PLCB1: variants seen among roughly 807,000 people sequenced by gnomAD.
PLCB1 encodes phospholipase C beta 1.
Under a neutral mutation model 161.8 loss-of-function variants are expected in PLCB1, and 46 were observed. The observed-to-expected ratio is 0.28, with a 90% CI of 0.22 to 0.36. The LOEUF (loss-of-function observed/expected upper bound fraction) is 0.36. Ranked by LOEUF, PLCB1 falls within the 10% of genes least tolerant of loss-of-function variation. PLCB1 has a pLI of 1.00. For missense variants in PLCB1, 1,016 were observed against 1,472.5 expected, an observed-to-expected ratio of 0.69 and a Z score of 5.07; for synonymous variants, 517 against 503.7, an observed-to-expected ratio of 1.03 and a Z score of -0.35.
chr20:8,566,435 G>T (rs1488684913), intron 3 of PLCB1, among the ~76,000 whole-genome samples: 1 of 152,120 alleles, frequency 6.6e-6, no homozygotes, highest in Non-Finnish European at 1.5e-5. Context: ...GAGAAATGAA[G>T]TGTGACTTAT....
intron 2 of PLCB1, among the ~76,000 whole-genome samples, chr20:8,294,022 A>T (rs1192661634): frequency 3.3e-5 from 5 of 152,168 alleles, no homozygotes; most frequent in African/African-American, 1.2e-4. Context: ...AGATTAATAG[A>T]ACATCCACTG....
chr20:8,280,106 C>T (rs938553440), intron 2 of PLCB1, among the ~76,000 whole-genome samples: 14 of 152,092 alleles, frequency 9.2e-5, no homozygotes, highest in African/African-American at 1.9e-4. Context: ...GAGGCTGAGG[C>T]GGGCGGATCA....
chr20:8,173,020 T>C (rs538168563), intron 2 of PLCB1, among the ~76,000 whole-genome samples: 17 of 152,240 alleles, frequency 1.1e-4, no homozygotes, highest in African/African-American at 3.9e-4. Context: ...CAGTCGGGAA[T>C]TCAGTTATGG....
chr20:8,824,948 C>T (rs2041866626), intron 31 of PLCB1, among the ~76,000 whole-genome samples: 1 of 152,190 alleles, frequency 6.6e-6, no homozygotes, highest in Admixed American at 6.5e-5. Flanking sequence ...CATGGGTCAA[C>T]ACTGGCCACA....
rs534039211 is a variant in PLCB1, at chr20:8,471,089, G to T, written c.246+99639G>T. On this transcript the variant is annotated intron_variant, in intron 3 of 31. Transcript: ENST00000338037. ...AATAATAATGTACAATTTACACATT[G>T]GTTCTAATACAGTATTTAATCTGTA... Among the ~76,000 whole-genome samples, 45 of 152,234 alleles carry T rather than the reference G, an allele frequency of 3.0e-4. 1 individual carries two copies. The South Asian group carries it at 8.7e-3, about 30-fold the overall frequency.
chr20:8,578,567 G>T (rs1986745808), intron 3 of PLCB1, among the ~76,000 whole-genome samples: 1 of 152,206 alleles, frequency 6.6e-6, no homozygotes. Flanking sequence ...TCTGTGCAAA[G>T]AATAGTCCTA....
At chr20:8,744,551 T>A (rs1261680635) in intron 23 of PLCB1, among the ~76,000 whole-genome samples, 4 of 150,864 alleles carry the variant, frequency 2.7e-5, no homozygotes, top group African/African-American at 9.8e-5. Context: ...GAGGCTGCAA[T>A]TAACTATGAA....
chr20:8,489,415 CTAGT>C (rs1307985913), intron 3 of PLCB1, among the ~76,000 whole-genome samples: 4 of 152,146 alleles, frequency 2.6e-5, no homozygotes, highest in Non-Finnish European at 5.9e-5. Context: ...GCTCAATGAC[CTAGT>C]TAAATAAATC....
intron 3 of PLCB1, among the ~76,000 whole-genome samples, chr20:8,434,699 T>C (rs1162140300): frequency 1.3e-5 from 2 of 152,212 alleles, no homozygotes; most frequent in Non-Finnish European, 2.9e-5. Flanking sequence ...TGCAATTTGC[T>C]TATGGTCACA....
chr20:8,659,773 CTT>C (rs1292662737), intron 9 of PLCB1, among the ~76,000 whole-genome samples: 4 of 152,144 alleles, frequency 2.6e-5, no homozygotes, highest in Admixed American at 2.6e-4. Context: ...GGGTGGATCA[CTT>C]TAGGTCAGGA....
intron 2 of PLCB1, among the ~76,000 whole-genome samples, chr20:8,232,210 C>T (rs570339824): frequency 1.7e-4 from 25 of 147,476 alleles, no homozygotes; most frequent in African/African-American, 5.4e-4. Flanking sequence ...ATAGCAAGAG[C>T]GCATCTCTTT....
chr20:8,677,880 T>A (rs900266170), intron 9 of PLCB1, among the ~76,000 whole-genome samples: 2 of 152,136 alleles, frequency 1.3e-5, no homozygotes, highest in African/African-American at 4.8e-5. Context: ...TACTGACCAA[T>A]GTGCTCTAAC....
intron 3 of PLCB1, among the ~76,000 whole-genome samples, chr20:8,626,541 A>T (rs1440715930): frequency 6.6e-6 from 1 of 152,182 alleles, no homozygotes; most frequent in Non-Finnish European, 1.5e-5. Context: ...CTTGGGGGAG[A>T]AAAAAGCCGG....
intron 3 of PLCB1, among the ~76,000 whole-genome samples, chr20:8,613,936 GA>G (rs869265722): frequency 3.3e-5 from 5 of 151,146 alleles, no homozygotes; most frequent in African/African-American, 1.2e-4. Context: ...TGATACATTT[GA>G]AAAAAATATT....
intron 18 of PLCB1, among the ~76,000 whole-genome samples, chr20:8,730,612 TTA>T (rs1980187078): frequency 6.6e-6 from 1 of 151,904 alleles, no homozygotes; most frequent in African/African-American, 2.4e-5. Context: ...TTTAACTGTA[TTA>T]TGTTTTCCTT....
chr20:8,773,081 G>C (rs1234386426), intron 26 of PLCB1, among the ~76,000 whole-genome samples: 1 of 148,696 alleles, frequency 6.7e-6, no homozygotes, highest in Non-Finnish European at 1.5e-5. Flanking sequence ...AGAAACTTGA[G>C]AAAATTCCGC....
At chr20:8,294,852 T>C (rs921300739) in intron 2 of PLCB1, among the ~76,000 whole-genome samples, 1 of 151,928 alleles carries the variant, frequency 6.6e-6, no homozygotes, top group African/African-American at 2.4e-5. Flanking sequence ...ATGATAGTAA[T>C]ATGTTAATAA....
intron 2 of PLCB1, among the ~76,000 whole-genome samples, chr20:8,348,009 A>G (rs536178256): frequency 1.8e-4 from 27 of 152,288 alleles, no homozygotes; most frequent in African/African-American, 6.5e-4. Flanking sequence ...CTGGCTTCTT[A>G]AGAAACCAGG....
At chr20:8,828,086 G>T (rs6118333) in intron 31 of PLCB1, among the ~76,000 whole-genome samples, 1 of 152,182 alleles carries the variant, frequency 6.6e-6, no homozygotes, top group African/African-American at 2.4e-5. Flanking sequence ...AAGTCAATAA[G>T]GAGAAGGGAA....
Sources: allele counts gnomAD v4.1 joint callset (sites outside exome capture counted in the v4.1 genomes callset), GRCh38; gene constraint gnomAD v4.1.1; transcripts MANE v1.5; gene names NCBI Gene and HGNC (gene_info 2026-07-23, HGNC 2026-07-21).